Variants in MYO3B observed in about 807,000 individuals in gnomAD.
The protein encoded by MYO3B is myosin-IIIb.
In MYO3B, 156 loss-of-function variants were observed where a neutral mutation model predicts 174.6. The ratio of observed to expected loss-of-function variants is 0.89; its 90% CI spans 0.78 to 1.02. MYO3B has a LOEUF of 1.02. MYO3B is among the 50% of genes least tolerant of loss of function. The pLI, the probability that MYO3B is intolerant of heterozygous loss-of-function variation, is 0.00. For synonymous variants in MYO3B, 563 were observed against 569.1 expected, an observed-to-expected ratio of 0.99 and a Z score of 0.15; for missense variants, 1,632 against 1,639.4, an observed-to-expected ratio of 1.00 and a Z score of 0.08.
intron 24 of MYO3B, 95 bp downstream of exon 24, chr2:170,463,540 G>A (rs1684439083): frequency 1.9e-6 from 2 of 1,058,784 alleles, no homozygotes; most frequent in African/African-American, 3.2e-5. Context: ...TGAAACAAGG[G>A]CAAAGCACAG....
rs759490594 is a variant in MYO3B at position 170,653,070 on chromosome 2, C to T, written c.3975C>T (p.His1325=). The change falls in exon 35 of 35, where the codon CAC becomes CAT. Residue 1325 remains histidine, a synonymous_variant. Transcript: ENST00000408978. ...TCCCTGAGGAGAACAACTCAGCCCA[C>T]CCTTCCTTTTTTTCTTCATCCTCAA... ...DCIPEENNSA[H]PSFFSSSSKG... is the part of the protein sequence containing the mutation. The T allele has an allele frequency of 4.3e-6, 7 of 1,614,160 alleles. No homozygotes were observed. The Admixed American group carries it at 1.2e-4, about 27-fold the overall frequency.
chr2:170,262,020 G>A (rs965917963), intron 7 of MYO3B, among the ~76,000 whole-genome samples: 16 of 152,154 alleles, frequency 1.1e-4, no homozygotes, highest in Admixed American at 8.5e-4. Flanking sequence ...TTGAGAGTTC[G>A]CAGTCTGTTT....
intron 7 of MYO3B, among the ~76,000 whole-genome samples, chr2:170,270,629 C>T (rs944394729): frequency 1.3e-5 from 2 of 152,152 alleles, no homozygotes; most frequent in African/African-American, 4.8e-5. Flanking sequence ...CCTTGCTGCC[C>T]TGCCCTGTAT....
chr2:170,237,775 T>A (rs1034517014), intron 7 of MYO3B, among the ~76,000 whole-genome samples: 41 of 152,208 alleles, frequency 2.7e-4, no homozygotes, highest in Admixed American at 1.8e-3. Flanking sequence ...AGGATCCTTA[T>A]CCCAACTTAG....
At chr2:170,638,198 A>C (rs1346205880) in intron 32 of MYO3B, among the ~76,000 whole-genome samples, 1 of 152,010 alleles carries the variant, frequency 6.6e-6, no homozygotes, top group African/African-American at 2.4e-5. Context: ...TCTATGTGTA[A>C]AAATATTTTA....
At chr2:170,503,110 CAG>C (rs1182102756) in intron 28 of MYO3B, among the ~76,000 whole-genome samples, 2 of 152,242 alleles carry the variant, frequency 1.3e-5, no homozygotes, top group African/African-American at 4.8e-5. Flanking sequence ...CTCATTAAAA[CAG>C]GGTACCAAAC....
At chr2:170,584,600 A>G (rs185833462) in intron 32 of MYO3B, among the ~76,000 whole-genome samples, 45 of 152,364 alleles carry the variant, frequency 3.0e-4, no homozygotes, top group African/African-American at 1.1e-3. Context: ...AAAGAATTGC[A>G]TAAGTGCCAG....
chr2:170,342,864 G>T (rs1358072340), intron 8 of MYO3B, among the ~76,000 whole-genome samples: 1 of 152,040 alleles, frequency 6.6e-6, no homozygotes, highest in African/African-American at 2.4e-5. Flanking sequence ...AGCAGTAGAG[G>T]TTATTTTTAT....
intron 7 of MYO3B, among the ~76,000 whole-genome samples, chr2:170,286,494 T>C (rs1473661972): frequency 6.6e-6 from 1 of 152,196 alleles, no homozygotes; most frequent in Non-Finnish European, 1.5e-5. Flanking sequence ...TATCTAGTCA[T>C]GGTTGCTATA....
At chr2:170,305,604 C>T (rs1183421917) in intron 7 of MYO3B, among the ~76,000 whole-genome samples, 4 of 152,160 alleles carry the variant, frequency 2.6e-5, no homozygotes, top group African/African-American at 7.2e-5. Context: ...CTTCCCAGGA[C>T]ACTTTTCCCT....
At chr2:170,463,990 A>G (rs1684463448) in intron 24 of MYO3B, among the ~76,000 whole-genome samples, 1 of 152,186 alleles carries the variant, frequency 6.6e-6, no homozygotes, top group South Asian at 2.1e-4. Context: ...TTTGTCTTCA[A>G]ATTATAAAGC....
intron 7 of MYO3B, among the ~76,000 whole-genome samples, chr2:170,245,405 A>G (rs893047599): frequency 2.1e-4 from 32 of 152,230 alleles, no homozygotes; most frequent in African/African-American, 7.7e-4. Flanking sequence ...GAGGTTTGAT[A>G]GAGCACCCAC....
chr2:170,352,056 G>A (rs1435885010), intron 8 of MYO3B, among the ~76,000 whole-genome samples: 2 of 152,128 alleles, frequency 1.3e-5, no homozygotes, highest in Non-Finnish European at 2.9e-5. Context: ...AGGTTCAAGC[G>A]ATCCTCTTGC....
Position 170,307,851 on chromosome 2 carries a change from G to A in MYO3B, c.750-27534G>A, listed in dbSNP as rs866261310. On this transcript the variant is annotated intron_variant, in intron 7 of 34. Transcript: ENST00000408978. ...AGTTATTCAGAAATTTCTAGAAAAG[G>A]GTTGTAACTTCTGGGTTGTTGTCAG... Among the ~76,000 whole-genome samples, 3 of 152,132 alleles carry A rather than the reference G, an allele frequency of 2.0e-5. No individual in the cohort carries two copies. The South Asian group carries it at 6.2e-4, about 32-fold the overall frequency.
At chr2:170,634,795 A>G (rs979404494) in intron 32 of MYO3B, among the ~76,000 whole-genome samples, 1 of 152,236 alleles carries the variant, frequency 6.6e-6, no homozygotes, top group African/African-American at 2.4e-5. Flanking sequence ...CCCATCAAAA[A>G]GTGGGCAAAG....
intron 8 of MYO3B, chr2:170,338,162 T>C (rs538150431): frequency 6.6e-6 from 1 of 152,344 alleles, no homozygotes; most frequent in East Asian, 1.9e-4. Flanking sequence ...AGGTCTTGAA[T>C]ACTAGAATGG....
chr2:170,443,737 A>G (rs555093730), intron 22 of MYO3B, among the ~76,000 whole-genome samples: 3 of 145,886 alleles, frequency 2.1e-5, no homozygotes, highest in Non-Finnish European at 4.5e-5. Flanking sequence ...TTTTGCTTAT[A>G]AAATGAATAT....
chr2:170,224,323 T>A (rs1372786738), intron 6 of MYO3B, among the ~76,000 whole-genome samples: 1 of 152,218 alleles, frequency 6.6e-6, no homozygotes, highest in East Asian at 1.9e-4. Context: ...TAGTAAATAT[T>A]GAAGCTGTTT....
In MYO3B at chr2:170,383,196, G is replaced by C. The variant is rs746471464; in HGVS notation, c.1185+7G>C. ...AAGCATATACTCTCCACAGGTAAGG[G>C]ATGTTTTAAGAGCATACTGCTCCTT... On this transcript the variant is annotated splice_region_variant and intron_variant, in intron 11 of 34. Transcript: ENST00000408978. The C allele has an allele frequency of 9.3e-6, 14 of 1,504,492 alleles. No homozygotes were observed. The African/African-American group carries it at 1.5e-4, about 16-fold the overall frequency. 93.2% of individuals were successfully genotyped at this position (1,504,492 alleles called of 1,614,324 possible). A position where few individuals can be genotyped will look rare whatever the true frequency, so the allele number is the denominator to read the frequency against.
Sources: allele counts gnomAD v4.1 joint callset (sites outside exome capture counted in the v4.1 genomes callset), GRCh38; gene constraint gnomAD v4.1.1; transcripts MANE v1.5; gene names NCBI Gene and HGNC (gene_info 2026-07-23, HGNC 2026-07-21).